Variants in PRKN observed in about 807,000 individuals in gnomAD.
The protein encoded by PRKN is parkin RBR E3 ubiquitin protein ligase.
PRKN carries 56 observed loss-of-function variants against 59.5 expected under a neutral mutation model. The observed-to-expected ratio is 0.94, with a 90% CI of 0.76 to 1.18. The LOEUF (loss-of-function observed/expected upper bound fraction) is 1.18, where lower values mean the gene tolerates loss of function less well. Among genes scored for constraint, PRKN ranks in the 50% most tolerant of loss-of-function variants. The probability of loss-of-function intolerance (pLI) is 0.00; values close to 1 mark genes in which losing one functional copy is unlikely to be tolerated. For missense variants in PRKN, 657 were observed against 596.4 expected, an observed-to-expected ratio of 1.10 and a Z score of -1.06; for synonymous variants, 250 against 222.1, an observed-to-expected ratio of 1.13 and a Z score of -1.12.
At chr6:162,564,888 TTAATGAGCAATAAATAATCACCTGAAGG>T (rs1258230594) in intron 1 of PRKN, among the ~76,000 whole-genome samples, 1 of 141,374 alleles carries the variant, frequency 7.1e-6, no homozygotes. Flanking sequence ...AAAAAAAAAA[TTAATGAGCAATAAATAATCACCTGAAGG>T]TACAAAACTC....
chr6:161,989,725 A>G (rs951072700), intron 5 of PRKN, among the ~76,000 whole-genome samples: 10 of 152,040 alleles, frequency 6.6e-5, no homozygotes, highest in South Asian at 2.1e-4. Context: ...TCTGCCCCAC[A>G]TGCTGCTATT....
At chr6:162,480,457 T>C (rs1792249926) in intron 1 of PRKN, among the ~76,000 whole-genome samples, 1 of 152,060 alleles carries the variant, frequency 6.6e-6, no homozygotes, top group African/African-American at 2.4e-5. Context: ...TGGAAGTAAG[T>C]AGAAACTATT....
intron 3 of PRKN, among the ~76,000 whole-genome samples, chr6:162,224,472 A>T (rs1387726940): frequency 6.6e-6 from 1 of 152,142 alleles, no homozygotes; most frequent in Admixed American, 6.5e-5. Flanking sequence ...TGCCAAGATC[A>T]CCTAACGGTG....
Position 161,456,666 on chromosome 6 carries a change from T to C in PRKN, c.1084-69789A>G, listed in dbSNP as rs1351904846. On this transcript the variant is annotated intron_variant, in intron 9 of 11. Transcript: ENST00000366898. The surrounding 1 kb of genome is among the most constrained non-coding windows in gnomAD (Gnocchi z 4.8). Reference sequence around the variant, plus strand: ...GAATCCTGCCCAAGAATAAAGAGGATCAAGGACAGGGCACTGAACTGTACC... The same window carrying C: ...GAATCCTGCCCAAGAATAAAGAGGACCAAGGACAGGGCACTGAACTGTACC... 6.6e-6 allele frequency among the ~76,000 whole-genome samples: 1 copy of C among 152,106 alleles called. No individual in the cohort carries two copies. The highest frequency in any genetic ancestry group is 1.5e-5 in the Non-Finnish European group (1 of 68,024).
chr6:162,520,991 G>C (rs1778060095), intron 1 of PRKN, among the ~76,000 whole-genome samples: 2 of 152,124 alleles, frequency 1.3e-5, no homozygotes. Flanking sequence ...ATTCATGCCA[G>C]ACTAATGCAG....
intron 4 of PRKN, among the ~76,000 whole-genome samples, chr6:162,152,039 T>C (rs1164914407): frequency 6.6e-6 from 1 of 152,106 alleles, no homozygotes; most frequent in East Asian, 1.9e-4. Flanking sequence ...ATATTAAGGG[T>C]CCCACATGAG....
intron 7 of PRKN, among the ~76,000 whole-genome samples, chr6:161,774,459 C>T (rs1789836375): frequency 6.6e-6 from 1 of 150,888 alleles, no homozygotes; most frequent in Admixed American, 6.6e-5. Flanking sequence ...GGCCATGTGG[C>T]TGAGTTCTGG....
At chr6:161,656,084 G>A (rs1562587606) in intron 7 of PRKN, among the ~76,000 whole-genome samples, 1 of 152,334 alleles carries the variant, frequency 6.6e-6, no homozygotes, top group South Asian at 2.1e-4. Context: ...AAAGCTGACT[G>A]TGGCAGCTCG....
At chr6:161,827,103 G>A (rs913556437) in intron 6 of PRKN, among the ~76,000 whole-genome samples, 1 of 152,152 alleles carries the variant, frequency 6.6e-6, no homozygotes, top group Non-Finnish European at 1.5e-5. Flanking sequence ...ATGGATTCAT[G>A]GCCAAACTGT....
intron 4 of PRKN, among the ~76,000 whole-genome samples, chr6:162,095,879 C>T (rs1305668321): frequency 2.6e-5 from 4 of 151,994 alleles, no homozygotes; most frequent in African/African-American, 7.3e-5. Flanking sequence ...ATAAGGACAG[C>T]GATACTAAGT....
chr6:162,620,195 GTTATCAT>G (rs1377092419), intron 1 of PRKN, among the ~76,000 whole-genome samples: 1 of 151,828 alleles, frequency 6.6e-6, no homozygotes, highest in Non-Finnish European at 1.5e-5. Flanking sequence ...TCCTCAACAG[GTTATCAT>G]TTATAACTTC....
intron 1 of PRKN, among the ~76,000 whole-genome samples, chr6:162,711,286 C>A (rs1367740777): frequency 1.3e-5 from 2 of 152,180 alleles, no homozygotes; most frequent in African/African-American, 4.8e-5. Context: ...AAGAGCCCCT[C>A]TGTAGGACTA....
At chr6:161,893,439 G>A (rs1777491517) in intron 6 of PRKN, among the ~76,000 whole-genome samples, 1 of 152,126 alleles carries the variant, frequency 6.6e-6, no homozygotes, top group Non-Finnish European at 1.5e-5. Context: ...GATGCCTAAT[G>A]TTAGAAACAA....
intron 3 of PRKN, among the ~76,000 whole-genome samples, chr6:162,214,886 T>C (rs1777569729): frequency 1.3e-5 from 2 of 152,214 alleles, no homozygotes; most frequent in Non-Finnish European, 2.9e-5. Flanking sequence ...TTTAGGATCT[T>C]ATTTTTGAGG....
chr6:162,534,064 G>A (rs1301554285), intron 1 of PRKN, among the ~76,000 whole-genome samples: 1 of 151,860 alleles, frequency 6.6e-6, no homozygotes, highest in Non-Finnish European at 1.5e-5. Context: ...AATCCCAGAT[G>A]TTAGTCATAC....
chr6:162,038,272 TG>T (rs1222855555), intron 5 of PRKN, among the ~76,000 whole-genome samples: 1 of 152,156 alleles, frequency 6.6e-6, no homozygotes, highest in African/African-American at 2.4e-5. Context: ...AAACGGCAAT[TG>T]ACTGTGTAGG....
intron 1 of PRKN, among the ~76,000 whole-genome samples, chr6:162,471,383 C>T (rs1224285761): frequency 6.6e-6 from 1 of 152,182 alleles, no homozygotes; most frequent in Non-Finnish European, 1.5e-5. Context: ...CAGGCGTGAG[C>T]CACTGTACCT....
chr6:162,527,960 A>G (rs1307668468), intron 1 of PRKN, among the ~76,000 whole-genome samples: 1 of 151,828 alleles, frequency 6.6e-6, no homozygotes, highest in Non-Finnish European at 1.5e-5. Flanking sequence ...CATGGCCCAA[A>G]GAGACAGCTC....
intron 6 of PRKN, among the ~76,000 whole-genome samples, chr6:161,858,173 A>G (rs1793733983): frequency 6.6e-6 from 1 of 152,226 alleles, no homozygotes; most frequent in Non-Finnish European, 1.5e-5. Context: ...CACAAGTAAG[A>G]GATTTTAGTT....
Sources: gnomAD v4.1 joint callset for allele counts (sites outside exome capture counted in the v4.1 genomes callset) on GRCh38, gnomAD v4.1.1 for gene constraint, Gnocchi (gnomAD v3.1) non-coding constraint, MANE v1.5 for transcripts, NCBI Gene and HGNC (gene_info 2026-07-23, HGNC 2026-07-21) for gene names.